Variants in SLC7A6OS observed in about 807,000 individuals in gnomAD.
SLC7A6OS encodes the protein solute carrier family 7 member 6 opposite strand.
SLC7A6OS carries 22 observed loss-of-function variants against 34.3 expected under a neutral mutation model. The observed-to-expected ratio is 0.64, with a 90% CI of 0.46 to 0.92. The LOEUF (loss-of-function observed/expected upper bound fraction) is 0.92, where lower values mean the gene tolerates loss of function less well. Among genes scored for constraint, SLC7A6OS ranks in the 40% least tolerant of loss-of-function variants. The pLI is 0.00. For missense variants in SLC7A6OS, 434 were observed against 407.7 expected (o/e 1.06, Z -0.56); for synonymous variants, 199 against 165.0 (o/e 1.21, Z -1.58).
At chr16:68,309,075 G>C (rs1322396735) in intron 2 of SLC7A6OS, among the ~76,000 whole-genome samples, 1 of 151,346 alleles carries the variant, frequency 6.6e-6, no homozygotes, top group Non-Finnish European at 1.5e-5. Context: ...AAAAGAGAGG[G>C]CACACTTTAT....
chr16:68,301,499 C>T (rs1021864271), intron 4 of SLC7A6OS, 94 bp from the exon 5 acceptor site: 16 of 1,038,592 alleles, frequency 1.5e-5, no homozygotes, highest in Middle Eastern at 4.4e-4. Context: ...TTTTTGTTCC[C>T]GATTGTAATG....
Position 68,310,896 on chromosome 16 carries a change from C to G in SLC7A6OS, c.31G>C (p.Val11Leu), listed in dbSNP as rs749987906. The change falls in exon 1 of 5, where the codon GTG becomes CTG. Residue 11 changes from valine (V) to leucine (L), a missense_variant. Transcript: ENST00000263997. ...GGCTCCGCACTGCGCTTCCGCTTCACCCGGAGTACAGCGGTCCTGGCGGCC... is the reference window on the plus strand; with the variant it reads ...GGCTCCGCACTGCGCTTCCGCTTCAGCCGGAGTACAGCGGTCCTGGCGGCC... MEAARTAVLRVKRKRSAEPAE... is the reference protein window; with the variant it reads MEAARTAVLRLKRKRSAEPAE... 1.9e-6 allele frequency: 3 copies of G among 1,601,206 alleles called. No homozygotes were observed. The highest frequency in any genetic ancestry group is 1.3e-5 in the African/African-American group (1 of 74,692).
At chr16:68,310,022 C>A (rs2043422179) in intron 2 of SLC7A6OS, among the ~76,000 whole-genome samples, 1 of 152,204 alleles carries the variant, frequency 6.6e-6, no homozygotes, top group Admixed American at 6.5e-5. Context: ...GAAGTGGCAC[C>A]ACTCTTCCTG....
rs1340076275 is a variant in SLC7A6OS, at chr16:68,300,610, C to T, written c.*665G>A. On this transcript the variant is annotated 3_prime_UTR_variant, in exon 5 of 5. Coordinates refer to ENST00000263997, the MANE Select transcript of SLC7A6OS (RefSeq NM_032178.3). Reference sequence around the variant, plus strand: ...GATTTAAAAGGTTTTCAAAGAATTACTTTCTTCCATGTTCAAAGCTAGATT... The same window carrying T: ...GATTTAAAAGGTTTTCAAAGAATTATTTTCTTCCATGTTCAAAGCTAGATT... 3.0e-6 allele frequency: 3 copies of T among 984,902 alleles called. No homozygotes were observed. Among genetic ancestry groups the T allele is most frequent in the East Asian group, 1.1e-4 (1 of 8,822 alleles). 61.0% of individuals were successfully genotyped at this position (984,902 alleles called of 1,614,324 possible). A position where few individuals can be genotyped will look rare whatever the true frequency, so the allele number is the denominator to read the frequency against.
intron 3 of SLC7A6OS, among the ~76,000 whole-genome samples, chr16:68,303,195 C>A (rs377443798): frequency 2.0e-5 from 3 of 147,484 alleles, no homozygotes; most frequent in African/African-American, 7.6e-5. Context: ...ACCCAGGAGG[C>A]GGAGGTTGCA....
At position 68,309,101 on chromosome 16, in the gene SLC7A6OS, G is replaced by GT. The variant is rs757280888; in HGVS notation, c.471+1233dup. Reference sequence around the variant, plus strand: ...CACACTTTATGTTGAGAATTTTCTGGTTTTTTTTTTAGAGACAGTATCTTG... The same window carrying GT: ...CACACTTTATGTTGAGAATTTTCTGGTTTTTTTTTTTAGAGACAGTATCTTG... On this transcript the variant is annotated intron_variant, in intron 2 of 4. Coordinates refer to ENST00000263997, the MANE Select transcript of SLC7A6OS (RefSeq NM_032178.3). Among the ~76,000 whole-genome samples, 471 of 146,674 alleles carry GT rather than the reference G, an allele frequency of 3.2e-3. 3 individuals carry two copies. The highest frequency in any genetic ancestry group is 4.7e-3 in the Non-Finnish European group (314 of 66,158).
rs552322234 is a variant in SLC7A6OS at position 68,301,508 on chromosome 16, T to G, written c.800-103A>C. ...GGTCTGTTTTTGTTCCCGATTGTAA[T>G]GCAAAATCCTTGCTCAATAAATAAA... On this transcript the variant is annotated intron_variant, in intron 4 of 4. Coordinates refer to ENST00000263997, the MANE Select transcript of SLC7A6OS (RefSeq NM_032178.3). 4.1e-5 allele frequency: 37 copies of G among 896,744 alleles called. No individual in the cohort carries two copies. The African/African-American group carries it at 6.0e-4, about 14-fold the overall frequency. 55.5% of individuals were successfully genotyped at this position (896,744 alleles called of 1,614,324 possible).
At position 68,300,752 on chromosome 16, in the gene SLC7A6OS, T is replaced by TA. The variant is rs1310765840; in HGVS notation, c.*522dup. 1.0e-6 allele frequency: 1 copy of TA among 985,384 alleles called. No individual in the cohort carries two copies. Among genetic ancestry groups the TA allele is most frequent in the African/African-American group, 1.7e-5 (1 of 57,252 alleles). 61.0% of individuals were successfully genotyped at this position (985,384 alleles called of 1,614,324 possible). On this transcript the variant is annotated 3_prime_UTR_variant, in exon 5 of 5. Coordinates refer to ENST00000263997, the MANE Select transcript of SLC7A6OS (RefSeq NM_032178.3). ...TTTGGAAGCAGAAATAGCTGTTAACTAAAATCTCCCACTGCTCAGACTACT... is the reference window on the plus strand; with the variant it reads ...TTTGGAAGCAGAAATAGCTGTTAACTAAAAATCTCCCACTGCTCAGACTACT...
In SLC7A6OS at chr16:68,300,517, A is replaced by T; in HGVS notation, c.*758T>A. The T allele has an allele frequency of 1.4e-6, 1 of 719,662 alleles. No individual in the cohort carries two copies. The highest frequency in any genetic ancestry group is 1.7e-6 in the Non-Finnish European group (1 of 587,334). The allele number at this position is 719,662 out of a possible 1,614,324, so 44.6% of individuals were successfully genotyped here. A position where few individuals can be genotyped will look rare whatever the true frequency, so the allele number is the denominator to read the frequency against. ...TACTTTGTTTTTCCTCCCTTGCCTT[A>T]AGTCCTTGGTATTTATAATCAATGC... On this transcript the variant is annotated 3_prime_UTR_variant, in exon 5 of 5. Coordinates refer to ENST00000263997, the MANE Select transcript of SLC7A6OS (RefSeq NM_032178.3).
intron 2 of SLC7A6OS, among the ~76,000 whole-genome samples, chr16:68,308,545 T>G (rs1227618961): frequency 6.6e-6 from 1 of 151,580 alleles, no homozygotes; most frequent in East Asian, 2.0e-4. Flanking sequence ...GAGAACTGCT[T>G]GAATCCAGGA....
rs1331039703 is a variant in SLC7A6OS, at chr16:68,299,968, T to C, written c.*1307A>G. 2 of 152,072 alleles carry C rather than the reference T, an allele frequency of 1.3e-5. No individual in the cohort carries two copies. Among genetic ancestry groups the C allele is most frequent in the African/African-American group, 4.8e-5 (2 of 41,368 alleles). The allele number at this position is 152,072 out of a possible 1,614,324, so 9.4% of individuals were successfully genotyped here. ...CATAAAGTCAAAGAATGATGGCAGG[T>C]AGGATGAAGGAGAGATACTTAGGAA... On this transcript the variant is annotated 3_prime_UTR_variant, in exon 5 of 5. Coordinates refer to ENST00000263997, the MANE Select transcript of SLC7A6OS (RefSeq NM_032178.3).
At chr16:68,307,286 C>T (rs770465538) in intron 2 of SLC7A6OS, among the ~76,000 whole-genome samples, 26 of 152,314 alleles carry the variant, frequency 1.7e-4, no homozygotes, top group Non-Finnish European at 3.5e-4. Flanking sequence ...ATTACTTAGT[C>T]AATCAACAGT....
chr16:68,308,775 A>G (rs2043345004), intron 2 of SLC7A6OS, among the ~76,000 whole-genome samples: 1 of 150,134 alleles, frequency 6.7e-6, no homozygotes, highest in Admixed American at 6.7e-5. Context: ...CATATTGGCT[A>G]GGCGCAGCGG....
chr16:68,310,726 G>T lies in SLC7A6OS; in HGVS notation c.192+9C>A, dbSNP rs746720443. ...ATGCCCTCCACACCAGCTGCACCAC[G>T]CCCAATACCTGGGAGCACACAGTGG... On this transcript the variant is annotated intron_variant, in intron 1 of 4. Transcript: ENST00000263997. 1.3e-6 allele frequency: 2 copies of T among 1,599,128 alleles called. No homozygotes were observed. The highest frequency in any genetic ancestry group is 1.7e-6 in the Non-Finnish European group (2 of 1,169,582).
Position 68,300,946 on chromosome 16 carries a change from T to G in SLC7A6OS, c.*329A>C. The G allele has an allele frequency of 2.0e-6, 2 of 1,012,474 alleles. No individual in the cohort carries two copies. The highest frequency in any genetic ancestry group is 2.4e-6 in the Non-Finnish European group (2 of 847,944). The allele number at this position is 1,012,474 out of a possible 1,614,324, so 62.7% of individuals were successfully genotyped here. On this transcript the variant is annotated 3_prime_UTR_variant, in exon 5 of 5. Transcript: ENST00000263997. ...GAAATGGGAACCTCCCCCTCCCTTG[T>G]GGTTTCAGCACAGAACCTGAATGCC... is the stretch of plus-strand genomic sequence containing the variant.
chr16:68,308,869 T>C (rs903246517), intron 2 of SLC7A6OS, among the ~76,000 whole-genome samples: 2 of 151,520 alleles, frequency 1.3e-5, no homozygotes, highest in Non-Finnish European at 2.9e-5. Flanking sequence ...CTGGCCAACA[T>C]AGCGAAACCC....
chr16:68,302,540 C>T, intron 3 of SLC7A6OS, 39 bp from the exon 4 acceptor site: 1 of 1,613,796 alleles, frequency 6.2e-7, no homozygotes, highest in Non-Finnish European at 8.5e-7. Flanking sequence ...AAGTCAAAAC[C>T]TCTAAGGTTA....
Position 68,310,530 on chromosome 16 carries a change from G to A in SLC7A6OS, c.276C>T (p.Ala92=), listed in dbSNP as rs756092728. ...CCTCCTGCCGGACCTCCCGAGCCGAGGCGCGGAGATTACGGCGGACACGCT... is the reference window on the plus strand; with the variant it reads ...CCTCCTGCCGGACCTCCCGAGCCGAAGCGCGGAGATTACGGCGGACACGCT... ...SQQRVRRNLR[A]SAREVRQEGR... Residue 92 remains alanine, a synonymous_variant, in exon 2 of 5, where the codon GCC becomes GCT. Coordinates refer to ENST00000263997, the MANE Select transcript of SLC7A6OS (RefSeq NM_032178.3). 55 of 1,583,670 alleles carry A rather than the reference G, an allele frequency of 3.5e-5. No homozygotes were observed. The highest frequency in any genetic ancestry group is 1.8e-5 in the Admixed American group (1 of 55,230).
rs201990110 is a variant in SLC7A6OS at position 68,310,874 on chromosome 16, T to C, written c.53A>G (p.Glu18Gly). Residue 18 changes from glutamate to glycine, a missense_variant, in exon 1 of 5, where the codon GAG becomes GGG. Physicochemically the swap from Glu to Gly is moderately conservative, Grantham distance 98. Transcript: ENST00000263997. ...AGCGAGCACAAGAGCCTCCGCCGGC[T>C]CCGCACTGCGCTTCCGCTTCACCCG... is the stretch of plus-strand genomic sequence containing the variant. ...VLRVKRKRSAEPAEALVLACK... is the reference protein window; with the variant it reads ...VLRVKRKRSAGPAEALVLACK... 2.7e-5 allele frequency: 43 copies of C among 1,609,334 alleles called. No individual in the cohort carries two copies. In the Admixed American group the frequency reaches 7.0e-4, roughly 26 times the overall value.
Sources: gnomAD v4.1 joint callset for allele counts (sites outside exome capture counted in the v4.1 genomes callset) on GRCh38, gnomAD v4.1.1 for gene constraint, MANE v1.5 for transcripts, NCBI Gene and HGNC (gene_info 2026-07-23, HGNC 2026-07-21) for gene names.